SAMD3: variants seen among roughly 807,000 people sequenced by gnomAD.
SAMD3 encodes the protein sterile alpha motif domain containing 3.
Under a neutral mutation model 58.5 loss-of-function variants are expected in SAMD3, and 63 were observed. That is an observed-to-expected ratio of 1.08 (90% CI 0.88 to 1.33). The LOEUF (loss-of-function observed/expected upper bound fraction) is 1.33, where lower values mean the gene tolerates loss of function less well. Among genes scored for constraint, SAMD3 ranks in the 40% most tolerant of loss-of-function variants. The pLI is 0.00. For synonymous variants in SAMD3, 220 were observed against 210.3 expected (o/e 1.05, Z -0.40); for missense variants, 604 against 608.4 (o/e 0.99, Z 0.08).
chr6:130,280,635 A>T (rs12214250), intron 2 of SAMD3, among the ~76,000 whole-genome samples: 4 of 151,918 alleles, frequency 2.6e-5, no homozygotes, highest in African/African-American at 9.7e-5. Context: ...TTCTGTACCC[A>T]TTTGGCCATT....
intron 2 of SAMD3, among the ~76,000 whole-genome samples, chr6:130,300,869 A>G (rs1583070128): frequency 6.6e-6 from 1 of 152,058 alleles, no homozygotes; most frequent in East Asian, 1.9e-4. Flanking sequence ...TGTGCACAAC[A>G]TGCAGGTTTG....
intron 8 of SAMD3, among the ~76,000 whole-genome samples, chr6:130,165,916 G>C (rs141958220): frequency 2.0e-5 from 3 of 152,140 alleles, no homozygotes; most frequent in Admixed American, 6.5e-5. Context: ...ATCGAGCTAT[G>C]ATGACATGGG....
At chr6:130,143,881 G>A (rs1309778749), downstream of SAMD3, 3 of 152,518 alleles carry the variant, frequency 2.0e-5, no homozygotes, top group Non-Finnish European at 4.4e-5. Flanking sequence ...CATGCAGGAT[G>A]AGTCACTGTG....
intron 2 of SAMD3, among the ~76,000 whole-genome samples, chr6:130,266,848 T>A (rs1199054208): frequency 6.6e-6 from 1 of 152,210 alleles, no homozygotes; most frequent in South Asian, 2.1e-4. Flanking sequence ...GGAAAGATGA[T>A]GAATGGCCTC....
chr6:130,206,653 A>T (rs371873476), intron 5 of SAMD3, among the ~76,000 whole-genome samples: 17 of 152,326 alleles, frequency 1.1e-4, no homozygotes, highest in Admixed American at 7.2e-4. Context: ...GTATGCAGAG[A>T]TGGGCAGCTG....
intron 2 of SAMD3, among the ~76,000 whole-genome samples, chr6:130,310,466 T>A (rs559436570): frequency 1.2e-3 from 180 of 152,354 alleles, no homozygotes; most frequent in Non-Finnish European, 2.0e-3. Context: ...AAAGAAAATA[T>A]TTGAATTCTT....
intron 2 of SAMD3, among the ~76,000 whole-genome samples, chr6:130,250,970 C>T (rs1309171840): frequency 6.6e-6 from 1 of 152,142 alleles, no homozygotes; most frequent in Non-Finnish European, 1.5e-5. Flanking sequence ...AGTGGTATTG[C>T]TGGGTAATAT....
intron 2 of SAMD3, among the ~76,000 whole-genome samples, chr6:130,243,662 T>C (rs1399738863): frequency 6.6e-6 from 1 of 152,146 alleles, no homozygotes; most frequent in East Asian, 1.9e-4. Flanking sequence ...CTCTTTCAAC[T>C]CTGAAAAATA....
chr6:130,271,793 A>C (rs1774572588), intron 2 of SAMD3, among the ~76,000 whole-genome samples: 1 of 152,224 alleles, frequency 6.6e-6, no homozygotes, highest in African/African-American at 2.4e-5. Context: ...TCGTGGCAGA[A>C]GATGAAGGAA....
chr6:130,265,211 A>G (rs1236381604), intron 2 of SAMD3, among the ~76,000 whole-genome samples: 1 of 152,238 alleles, frequency 6.6e-6, no homozygotes, highest in African/African-American at 2.4e-5. Context: ...CAGAGAGCCC[A>G]GTTGAACATA....
chr6:130,233,120 G>T (rs1391630928), intron 2 of SAMD3, among the ~76,000 whole-genome samples: 1 of 152,172 alleles, frequency 6.6e-6, no homozygotes, highest in African/African-American at 2.4e-5. Flanking sequence ...CCAACTGCAA[G>T]TTCAGGGGTC....
intron 2 of SAMD3, among the ~76,000 whole-genome samples, chr6:130,231,376 C>T (rs538937763): frequency 1.3e-5 from 2 of 152,096 alleles, no homozygotes; most frequent in South Asian, 2.1e-4. Flanking sequence ...CTAGCCTGGC[C>T]AACATGGTGA....
intron 2 of SAMD3, among the ~76,000 whole-genome samples, chr6:130,252,333 A>G (rs776401038): frequency 4.6e-5 from 7 of 152,156 alleles, no homozygotes; most frequent in Non-Finnish European, 1.0e-4. Context: ...TAATTAGAGT[A>G]AGCTTTTTTC....
chr6:130,146,580 A>G (rs1788647112), intron 9 of SAMD3, among the ~76,000 whole-genome samples: 1 of 152,234 alleles, frequency 6.6e-6, no homozygotes. Context: ...AAACTGTTAG[A>G]TTTTAGGAAG....
chr6:130,312,675 T>C (rs1373915912), intron 2 of SAMD3, among the ~76,000 whole-genome samples: 1 of 152,250 alleles, frequency 6.6e-6, no homozygotes, highest in Non-Finnish European at 1.5e-5. Context: ...TAATTTTTGC[T>C]TTCTAAACTT....
At chr6:130,256,698 T>C (rs2114916724) in intron 2 of SAMD3, among the ~76,000 whole-genome samples, 1 of 152,334 alleles carries the variant, frequency 6.6e-6, no homozygotes, top group East Asian at 1.9e-4. Context: ...CCTAAGCTCT[T>C]TCTCCAATAA....
chr6:130,175,335 G>A (rs960914644), intron 8 of SAMD3, among the ~76,000 whole-genome samples: 1 of 152,142 alleles, frequency 6.6e-6, no homozygotes, highest in African/African-American at 2.4e-5. Context: ...CCCTCAGCCT[G>A]GAGCTCCCGA....
chr6:130,333,174 A>G (rs1776994189), intron 1 of SAMD3, among the ~76,000 whole-genome samples: 1 of 152,060 alleles, frequency 6.6e-6, no homozygotes, highest in African/African-American at 2.4e-5. Flanking sequence ...GGGGATATGT[A>G]TTAGGATTAT....
rs534768659 is a variant in SAMD3, at chr6:130,349,822, A to G, written c.-304+15298T>C. ...ATGAACATCGATGCAAAAATCCTCAATAAAATACTGGCAAATCGAATCCAG... is the reference window on the plus strand; with the variant it reads ...ATGAACATCGATGCAAAAATCCTCAGTAAAATACTGGCAAATCGAATCCAG... On this transcript the variant is annotated intron_variant, in intron 1 of 13. Transcript: ENST00000368134. Among the ~76,000 whole-genome samples the G allele has an allele frequency of 6.4e-3, 975 of 152,346 alleles. 11 individuals are homozygous for G. Among genetic ancestry groups the G allele is most frequent in the African/African-American group, 0.023 (942 of 41,572 alleles).
Sources: gnomAD v4.1 joint callset for allele counts (sites outside exome capture counted in the v4.1 genomes callset) on GRCh38, gnomAD v4.1.1 for gene constraint, MANE v1.5 for transcripts, NCBI Gene and HGNC (gene_info 2026-07-23, HGNC 2026-07-21) for gene names.